The following PRH1 variants were observed in gnomAD, a reference collection of about 807,000 sequenced individuals.
PRH1 encodes the protein salivary acidic proline-rich phosphoprotein 1/2.
Under a neutral mutation model 7.9 loss-of-function variants are expected in PRH1, and 7 were observed. That is an observed-to-expected ratio of 0.89 (90% CI 0.50 to 1.67). The LOEUF is 1.67. PRH1 is among the 40% of genes most tolerant of loss of function. The probability of loss-of-function intolerance (pLI) is 0.00; values close to 1 mark genes in which losing one functional copy is unlikely to be tolerated. For missense variants in PRH1, 109 were observed against 223.6 expected (o/e 0.49, Z 3.27); for synonymous variants, 45 against 80.8 (o/e 0.56, Z 2.38).
chr12:11,092,097 C>G lies in PRH1; in HGVS notation n.124-44909G>C, dbSNP rs573442217. 44 of 1,502,422 alleles carry G rather than the reference C, an allele frequency of 2.9e-5. No individual in the cohort carries two copies. The South Asian group carries it at 5.1e-4, about 17-fold the overall frequency. 93.1% of individuals were successfully genotyped at this position (1,502,422 alleles called of 1,614,324 possible). ...ACCGCCAGAGCAGTGAGAATTTGGT[C>G]AGCAAAGGAGATCTTTTGTCTCTTG... On this transcript the variant is annotated intron_variant and non_coding_transcript_variant, in intron 1 of 4. Transcript: ENST00000541977.
chr12:11,099,429 A>C (rs569263260), intron 1 of PRH1, among the ~76,000 whole-genome samples: 8 of 152,276 alleles, frequency 5.3e-5, no homozygotes, highest in East Asian at 3.9e-4. Context: ...AACCCAGCTT[A>C]GAAAAATGAA....
chr12:11,137,691 T>A (rs1380391034), intron 1 of PRH1, among the ~76,000 whole-genome samples: 2 of 152,218 alleles, frequency 1.3e-5, no homozygotes, highest in Non-Finnish European at 2.9e-5. Flanking sequence ...ACACTTAATT[T>A]CTAAATCTAA....
At chr12:10,883,207 T>A (rs1565448361) in intron 1 of PRH1, 111 bp from the exon 2 acceptor site, 19 of 1,246,738 alleles carry the variant, frequency 1.5e-5, no homozygotes, top group Non-Finnish European at 1.9e-5. Context: ...ATCCCCTTTG[T>A]GATCTCATCA....
At chr12:11,133,967 T>C in intron 1 of PRH1, 1 of 1,614,106 alleles carries the variant, frequency 6.2e-7, no homozygotes, top group Non-Finnish European at 8.5e-7. Context: ...GCTGCTGAAA[T>C]GGTTGGTTAC....
intron 2 of PRH1, among the ~76,000 whole-genome samples, chr12:10,950,117 T>G (rs1407793817): frequency 6.6e-6 from 1 of 152,202 alleles, no homozygotes; most frequent in Non-Finnish European, 1.5e-5. Context: ...TATAGTACTC[T>G]ACCGCATAAG....
chr12:10,929,244 G>A (rs1950166598), intron 2 of PRH1: 3 of 1,614,086 alleles, frequency 1.9e-6, no homozygotes, highest in Admixed American at 3.3e-5. Context: ...CCAGCATAAA[G>A]TTGGGAGTGA....
intron 1 of PRH1, among the ~76,000 whole-genome samples, chr12:11,100,796 T>G (rs558746925): frequency 6.6e-6 from 1 of 152,232 alleles, no homozygotes; most frequent in South Asian, 2.1e-4. Context: ...GGCTAAATTA[T>G]TTTTTATACC....
At chr12:11,143,088 A>G (rs1221696444) in intron 1 of PRH1, among the ~76,000 whole-genome samples, 1 of 150,476 alleles carries the variant, frequency 6.6e-6, no homozygotes, top group Non-Finnish European at 1.5e-5. Flanking sequence ...AAACCTCGCT[A>G]AAGTACAAAA....
chr12:11,143,947 A>T (rs1296667381), intron 1 of PRH1, among the ~76,000 whole-genome samples: 2 of 152,218 alleles, frequency 1.3e-5, no homozygotes, highest in African/African-American at 2.4e-5. Flanking sequence ...TGAACAATTT[A>T]TGGGACTCTC....
chr12:10,892,927 C>G (rs1384939620), intron 2 of PRH1, among the ~76,000 whole-genome samples: 1 of 152,138 alleles, frequency 6.6e-6, no homozygotes, highest in Non-Finnish European at 1.5e-5. Context: ...CAAGTGTGAA[C>G]TGGGGATGTA....
intron 1 of PRH1, among the ~76,000 whole-genome samples, chr12:11,101,823 G>A (rs1945260052): frequency 6.6e-6 from 1 of 152,088 alleles, no homozygotes; most frequent in Non-Finnish European, 1.5e-5. Context: ...ATCTCCTTAA[G>A]CTGATAAGCA....
chr12:11,138,529 C>T (rs1167906316), intron 1 of PRH1, among the ~76,000 whole-genome samples: 1 of 152,058 alleles, frequency 6.6e-6, no homozygotes, highest in Non-Finnish European at 1.5e-5. Flanking sequence ...CACATTTTGG[C>T]ATAATAGGTC....
intron 1 of PRH1, among the ~76,000 whole-genome samples, chr12:11,104,959 T>C (rs1035615978): frequency 6.6e-6 from 1 of 151,846 alleles, no homozygotes; most frequent in African/African-American, 2.4e-5. Flanking sequence ...TATGACTATT[T>C]CATATACACT....
intron 1 of PRH1, chr12:11,134,120 G>A: frequency 1.2e-6 from 2 of 1,614,100 alleles, no homozygotes; most frequent in Non-Finnish European, 1.7e-6. Context: ...GTCAACAAAG[G>A]AGATCTTTTG....
At chr12:10,938,414 G>A in intron 2 of PRH1, 1 of 1,614,006 alleles carries the variant, frequency 6.2e-7, no homozygotes, top group Non-Finnish European at 8.5e-7. Context: ...CATCACCTGG[G>A]AAAGAATAAT....
At chr12:10,973,604 G>C (rs564623194) in intron 2 of PRH1, 1 of 759,192 alleles carries the variant, frequency 1.3e-6, no homozygotes, top group African/African-American at 1.7e-5. Context: ...CAGAAACCAA[G>C]TGTTGCTAGG....
At chr12:11,095,006 A>G (rs368164812) in intron 1 of PRH1, among the ~76,000 whole-genome samples, 1,308 of 56,958 alleles carry the variant, frequency 0.023, 200 homozygotes, top group South Asian at 0.038. Flanking sequence ...CGCTTGGTCT[A>G]GCCTACTTTG....
chr12:11,101,196 G>A (rs1353858986), intron 1 of PRH1, among the ~76,000 whole-genome samples: 1 of 152,106 alleles, frequency 6.6e-6, no homozygotes, highest in Non-Finnish European at 1.5e-5. Flanking sequence ...ATTAATTTAA[G>A]TAATGTTTTG....
chr12:10,968,895 CTTAAGTGTTAG>C (rs1938648650), intron 2 of PRH1, among the ~76,000 whole-genome samples: 1 of 152,232 alleles, frequency 6.6e-6, no homozygotes, highest in African/African-American at 2.4e-5. Flanking sequence ...CTGCAGACGT[CTTAAGTGTTAG>C]TAGCTCAGTG....
Sources: gnomAD v4.1 joint callset for allele counts (sites outside exome capture counted in the v4.1 genomes callset) on GRCh38, gnomAD v4.1.1 for gene constraint, MANE v1.5 for transcripts, NCBI Gene and HGNC (gene_info 2026-07-23, HGNC 2026-07-21) for gene names.